The following ATXN2 variants were observed in gnomAD, a reference collection of about 807,000 sequenced individuals.
ATXN2 encodes ataxin-2.
A neutral mutation model predicts 138.6 loss-of-function variants in ATXN2; 37 were observed. The observed-to-expected ratio is 0.27, with a 90% CI of 0.21 to 0.35. The LOEUF (loss-of-function observed/expected upper bound fraction) is 0.35. ATXN2 is among the 10% of genes least tolerant of loss of function. The probability of loss-of-function intolerance (pLI) is 1.00; values close to 1 mark genes in which losing one functional copy is unlikely to be tolerated. For synonymous variants in ATXN2, 549 were observed against 543.7 expected, an observed-to-expected ratio of 1.01 and a Z score of -0.13; for missense variants, 1,216 against 1,480.3, an observed-to-expected ratio of 0.82 and a Z score of 2.93.
At chr12:111,588,991 CA>C (rs58116265) in intron 1 of ATXN2, among the ~76,000 whole-genome samples, 655 of 38,550 alleles carry the variant, frequency 0.017, no homozygotes, top group East Asian at 0.13. Flanking sequence ...CGAGATTTCT[CA>C]AAAAAAAAAA....
At chr12:111,489,424 C>T (rs1877869144) in intron 14 of ATXN2, among the ~76,000 whole-genome samples, 1 of 151,994 alleles carries the variant, frequency 6.6e-6, no homozygotes, top group African/African-American at 2.4e-5. Flanking sequence ...ACCATCTTGG[C>T]TCACACGCTG....
rs745461512 is a variant in ATXN2 at position 111,557,000 on chromosome 12, A to T, written c.252-1081T>A. Among the ~76,000 whole-genome samples, 64 of 152,180 alleles carry T rather than the reference A, an allele frequency of 4.2e-4. 1 individual carries two copies. The highest frequency in any genetic ancestry group is 6.2e-4 in the Non-Finnish European group (42 of 68,026). On this transcript the variant is annotated intron_variant, in intron 1 of 24. Transcript: ENST00000673436. ...CCTCAGAAAAGATGCAGTACACAAA[A>T]TTTGGCTGTCAAGTAAAGATGAATT...
intron 1 of ATXN2, among the ~76,000 whole-genome samples, chr12:111,585,548 T>C (rs966740330): frequency 6.7e-6 from 1 of 150,360 alleles, no homozygotes; most frequent in African/African-American, 2.4e-5. Flanking sequence ...CTCACGCCTG[T>C]GGTCCCGGCA....
intron 5 of ATXN2, among the ~76,000 whole-genome samples, chr12:111,539,584 A>G (rs1174736684): frequency 6.7e-6 from 1 of 149,604 alleles, no homozygotes; most frequent in East Asian, 1.9e-4. Flanking sequence ...CGTCTCTACT[A>G]AAAATACAAA....
intron 6 of ATXN2, 40 bp downstream of exon 6, chr12:111,525,152 C>T (rs767863427): frequency 1.3e-6 from 2 of 1,582,250 alleles, no homozygotes; most frequent in South Asian, 2.4e-5. Flanking sequence ...GGATGTCATA[C>T]TGACCAGAGT....
chr12:111,596,226 AC>A lies in ATXN2; in HGVS notation c.251+2557del, dbSNP rs1884933933. Among the ~76,000 whole-genome samples, 8 of 151,942 alleles carry A rather than the reference AC, an allele frequency of 5.3e-5. No homozygotes were observed. In the South Asian group the frequency reaches 1.7e-3, roughly 32 times the overall value. On this transcript the variant is annotated intron_variant, in intron 1 of 24. Transcript: ENST00000673436. The stretch of plus-strand genomic sequence containing the variant: ...CCAAAACACACACACACACACACAC[AC>A]ACACACACACACACACACAAAATTA...
chr12:111,515,198 C>T (rs1238706944), intron 10 of ATXN2, among the ~76,000 whole-genome samples: 1 of 152,152 alleles, frequency 6.6e-6, no homozygotes, highest in Non-Finnish European at 1.5e-5. Context: ...GTAGCCAATA[C>T]AGTTTTCTCC....
At chr12:111,591,507 A>C (rs920938965) in intron 1 of ATXN2, among the ~76,000 whole-genome samples, 2 of 152,030 alleles carry the variant, frequency 1.3e-5, no homozygotes, top group Non-Finnish European at 2.9e-5. Flanking sequence ...CTGTCTCTAC[A>C]AAAAATTTAA....
At chr12:111,581,584 C>A in intron 1 of ATXN2, 1 of 838,068 alleles carries the variant, frequency 1.2e-6, no homozygotes, top group Non-Finnish European at 2.1e-6. Flanking sequence ...ACTTCATGAA[C>A]TCCTGCTGCC....
intron 23 of ATXN2, chr12:111,455,100 G>A: frequency 2.8e-6 from 2 of 702,972 alleles, no homozygotes; most frequent in Non-Finnish European, 5.2e-6. Flanking sequence ...CCCACACCTT[G>A]CCAGAGCCTC....
At chr12:111,526,228 T>C (rs567785643) in intron 5 of ATXN2, among the ~76,000 whole-genome samples, 29 of 151,398 alleles carry the variant, frequency 1.9e-4, no homozygotes, top group South Asian at 2.1e-4. Flanking sequence ...TGGTGGCACA[T>C]GCCTGTAGTC....
At chr12:111,592,088 A>C (rs1322626161) in intron 1 of ATXN2, among the ~76,000 whole-genome samples, 1 of 149,098 alleles carries the variant, frequency 6.7e-6, no homozygotes, top group Non-Finnish European at 1.5e-5. Context: ...AAAAAAAAAA[A>C]AAACACCTTA....
chr12:111,524,769 T>C (rs1448988265), intron 6 of ATXN2, among the ~76,000 whole-genome samples: 1 of 152,212 alleles, frequency 6.6e-6, no homozygotes, highest in African/African-American at 2.4e-5. Flanking sequence ...GACAACCTTT[T>C]CTTCAGACAA....
chr12:111,535,994 C>T (rs949492198), intron 5 of ATXN2, among the ~76,000 whole-genome samples: 7 of 136,338 alleles, frequency 5.1e-5, no homozygotes, highest in Non-Finnish European at 1.1e-4. Flanking sequence ...AGCGAGACTC[C>T]GTCTCAAAAA....
At chr12:111,572,117 G>A (rs988497988) in intron 1 of ATXN2, among the ~76,000 whole-genome samples, 3 of 149,226 alleles carry the variant, frequency 2.0e-5, no homozygotes, top group Admixed American at 6.7e-5. Flanking sequence ...ATTTACTATC[G>A]GGCTGGGCAC....
chr12:111,495,696 A>G (rs914618243), intron 14 of ATXN2, among the ~76,000 whole-genome samples: 1 of 152,198 alleles, frequency 6.6e-6, no homozygotes, highest in Non-Finnish European at 1.5e-5. Context: ...ACAGAAAATC[A>G]ACAAAGAAAC....
rs537075153 is a variant in ATXN2, at chr12:111,557,523, C to T, written c.252-1604G>A. ...ATAGATCTTACTACAAAACCAGACACCATACTAAGTACTTCACATGCAACA... is the reference window on the plus strand; with the variant it reads ...ATAGATCTTACTACAAAACCAGACATCATACTAAGTACTTCACATGCAACA... On this transcript the variant is annotated intron_variant, in intron 1 of 24. Coordinates refer to ENST00000673436, the MANE Select transcript of ATXN2 (RefSeq NM_001372574.1). 2.1e-4 allele frequency among the ~76,000 whole-genome samples: 32 copies of T among 152,296 alleles called. No homozygotes were observed. In the South Asian group the frequency reaches 6.4e-3, roughly 31 times the overall value.
At chr12:111,544,240 A>C (rs1184200158) in intron 5 of ATXN2, among the ~76,000 whole-genome samples, 1 of 152,314 alleles carries the variant, frequency 6.6e-6, no homozygotes, top group South Asian at 2.1e-4. Context: ...CGTACTGTCC[A>C]TAGCAACAAG....
At chr12:111,599,334 CG>C, upstream of ATXN2, 2 of 76,464 alleles carry the variant, frequency 2.6e-5, no homozygotes, top group Non-Finnish European at 3.1e-5. Context: ...GGAGGGGGGC[CG>C]GGGCCGGGCG....
Sources: gnomAD v4.1 joint callset for allele counts (sites outside exome capture counted in the v4.1 genomes callset) on GRCh38, gnomAD v4.1.1 for gene constraint, MANE v1.5 for transcripts, NCBI Gene and HGNC (gene_info 2026-07-23, HGNC 2026-07-21) for gene names.